Variants in WDPCP observed in about 807,000 individuals in gnomAD.
WDPCP encodes the protein WD repeat containing planar cell polarity effector.
A neutral mutation model predicts 93.1 loss-of-function variants in WDPCP; 71 were observed. The ratio of observed to expected loss-of-function variants is 0.76; its 90% confidence interval spans 0.63 to 0.93. The LOEUF (loss-of-function observed/expected upper bound fraction) is 0.93. WDPCP is among the 40% of genes least tolerant of loss of function. The pLI, the probability that WDPCP is intolerant of heterozygous loss-of-function variation, is 0.00. For missense variants in WDPCP, 844 were observed against 887.4 expected, an observed-to-expected ratio of 0.95 and a Z score of 0.62; for synonymous variants, 315 against 315.0, an observed-to-expected ratio of 1.00 and a Z score of 0.00.
chr2:63,625,207 C>A (rs1415075472), intron 3 of WDPCP, among the ~76,000 whole-genome samples: 1 of 152,126 alleles, frequency 6.6e-6, no homozygotes, highest in East Asian at 1.9e-4. Flanking sequence ...TTATGACAAA[C>A]CCATAGCCAA....
intron 14 of WDPCP, among the ~76,000 whole-genome samples, chr2:63,187,313 A>G (rs994358554): frequency 1.2e-4 from 18 of 152,076 alleles, no homozygotes; most frequent in African/African-American, 4.3e-4. Flanking sequence ...TTTTTTATCC[A>G]TTTAGCCAAT....
At chr2:63,731,569 T>C (rs890765179) in intron 2 of WDPCP, among the ~76,000 whole-genome samples, 2 of 152,204 alleles carry the variant, frequency 1.3e-5, no homozygotes, top group African/African-American at 4.8e-5. Flanking sequence ...GAAAGTAAGA[T>C]ACTAAGATCC....
At chr2:63,685,602 T>C (rs2103649025) in intron 2 of WDPCP, among the ~76,000 whole-genome samples, 1 of 152,324 alleles carries the variant, frequency 6.6e-6, no homozygotes, top group South Asian at 2.1e-4. Flanking sequence ...AAATGCGTTC[T>C]GTGACGACAG....
chr2:63,419,225 C>T (rs1213331079), intron 9 of WDPCP, among the ~76,000 whole-genome samples: 1 of 152,186 alleles, frequency 6.6e-6, no homozygotes, highest in Non-Finnish European at 1.5e-5. Context: ...TCACTGCAAC[C>T]TCCACCTCCC....
chr2:63,180,966 G>A (rs1264545837), intron 14 of WDPCP, among the ~76,000 whole-genome samples: 2 of 152,014 alleles, frequency 1.3e-5, no homozygotes, highest in African/African-American at 4.8e-5. Flanking sequence ...TTAGACATTT[G>A]TATGTTTTCT....
At chr2:63,422,636 A>G (rs1695953573) in intron 9 of WDPCP, among the ~76,000 whole-genome samples, 1 of 152,208 alleles carries the variant, frequency 6.6e-6, no homozygotes, top group South Asian at 2.1e-4. Context: ...TAATGAATTA[A>G]TGGATCTAGG....
Position 63,121,679 on chromosome 2 carries a change from C to T in WDPCP, c.*327G>A, listed in dbSNP as rs565212301. The T allele has an allele frequency of 2.2e-3, 801 of 367,680 alleles. 13 individuals carry two copies. The highest frequency in any genetic ancestry group is 0.019 in the South Asian group (421 of 22,514). 22.8% of individuals were successfully genotyped at this position (367,680 alleles called of 1,614,324 possible). A position where few individuals can be genotyped will look rare whatever the true frequency, so the allele number is the denominator to read the frequency against. Reference sequence around the variant, plus strand: ...GCACTATGCCTGCCCCCTACTGCCCCTTTTTTAAAGTACCTGGGAGAACAA... The same window carrying T: ...GCACTATGCCTGCCCCCTACTGCCCTTTTTTTAAAGTACCTGGGAGAACAA... On this transcript the variant is annotated 3_prime_UTR_variant, in exon 18 of 18. Transcript: ENST00000272321.
intron 12 of WDPCP, among the ~76,000 whole-genome samples, chr2:63,363,826 T>C (rs1175803120): frequency 6.6e-6 from 1 of 152,186 alleles, no homozygotes; most frequent in Non-Finnish European, 1.5e-5. Flanking sequence ...TCCATTTCTC[T>C]TTCCTCCAAA....
intron 12 of WDPCP, among the ~76,000 whole-genome samples, chr2:63,345,104 T>G (rs569065598): frequency 1.6e-4 from 24 of 152,310 alleles, no homozygotes; most frequent in Admixed American, 3.9e-4. Context: ...TACTCAGCTG[T>G]GTTTAATGAT....
intron 2 of WDPCP, among the ~76,000 whole-genome samples, chr2:63,797,872 G>A (rs2104023892): frequency 6.6e-6 from 1 of 152,154 alleles, no homozygotes; most frequent in South Asian, 2.1e-4. Flanking sequence ...ACTAGCTCAA[G>A]GCATTTAATA....
intron 15 of WDPCP, among the ~76,000 whole-genome samples, chr2:63,156,160 C>T (rs1229949454): frequency 7.2e-5 from 11 of 151,836 alleles, no homozygotes; most frequent in South Asian, 2.1e-4. Flanking sequence ...CCACCACACC[C>T]GGCTAATTTT....
intron 1 of WDPCP, among the ~76,000 whole-genome samples, chr2:63,547,793 T>A (rs938602183): frequency 3.3e-5 from 5 of 150,072 alleles, no homozygotes; most frequent in Admixed American, 1.3e-4. Context: ...AATAGACTTG[T>A]GGGTACCAGA....
intron 3 of WDPCP, among the ~76,000 whole-genome samples, chr2:63,638,348 C>T (rs1709943376): frequency 1.3e-5 from 2 of 152,086 alleles, no homozygotes; most frequent in Non-Finnish European, 2.9e-5. Flanking sequence ...CACACACACA[C>T]ATCCAAGGTA....
intron 1 of WDPCP, among the ~76,000 whole-genome samples, chr2:63,568,795 G>A (rs530497337): frequency 2.0e-5 from 3 of 152,352 alleles, no homozygotes; most frequent in South Asian, 2.1e-4. Flanking sequence ...ATAAGGAAGA[G>A]AAACAGGCTA....
At chr2:63,323,985 A>AT (rs1029052440) in intron 12 of WDPCP, among the ~76,000 whole-genome samples, 1 of 152,094 alleles carries the variant, frequency 6.6e-6, no homozygotes, top group Non-Finnish European at 1.5e-5. Context: ...TCAGGCATCA[A>AT]CAGGCTCACC....
intron 3 of WDPCP, among the ~76,000 whole-genome samples, chr2:63,612,257 T>G (rs1468739999): frequency 2.0e-5 from 3 of 152,176 alleles, no homozygotes; most frequent in Non-Finnish European, 4.4e-5. Context: ...AGATACAAAA[T>G]GGGGATATTA....
chr2:63,681,847 C>T (rs1192803678), intron 2 of WDPCP, among the ~76,000 whole-genome samples: 1 of 152,168 alleles, frequency 6.6e-6, no homozygotes, highest in Non-Finnish European at 1.5e-5. Flanking sequence ...GAGAGAGACC[C>T]TCCCTTTGTT....
chr2:63,288,799 C>T (rs4671473), intron 13 of WDPCP, among the ~76,000 whole-genome samples: 121,897 of 152,122 alleles, frequency 0.8, 49,708 homozygotes, highest in East Asian at 0.96. Context: ...AGTTGTAATG[C>T]TTCTTTAGTC....
intron 2 of WDPCP, among the ~76,000 whole-genome samples, chr2:63,672,140 A>G (rs1363576930): frequency 2.0e-5 from 3 of 152,180 alleles, no homozygotes; most frequent in Non-Finnish European, 2.9e-5. Context: ...GACTTTTTGG[A>G]GGCCTCGACA....
Sources: allele counts gnomAD v4.1 joint callset (sites outside exome capture counted in the v4.1 genomes callset), GRCh38; gene constraint gnomAD v4.1.1; transcripts MANE v1.5; gene names NCBI Gene and HGNC (gene_info 2026-07-23, HGNC 2026-07-21).